MAP2K5: variants seen among roughly 807,000 people sequenced by gnomAD.
The protein encoded by MAP2K5 is dual specificity mitogen-activated protein kinase kinase 5.
MAP2K5 carries 49 observed loss-of-function variants against 83.1 expected under a neutral mutation model. That is an observed-to-expected ratio of 0.59 (90% CI 0.47 to 0.75). The LOEUF (loss-of-function observed/expected upper bound fraction) is 0.75. Among genes scored for constraint, MAP2K5 ranks in the 30% least tolerant of loss-of-function variants. The pLI, the probability that MAP2K5 is intolerant of heterozygous loss-of-function variation, is 0.00. For synonymous variants in MAP2K5, 202 were observed against 191.8 expected, an observed-to-expected ratio of 1.05 and a Z score of -0.44; for missense variants, 457 against 557.5, an observed-to-expected ratio of 0.82 and a Z score of 1.82.
At chr15:67,612,242 G>A (rs927706378) in intron 8 of MAP2K5, among the ~76,000 whole-genome samples, 2 of 151,958 alleles carry the variant, frequency 1.3e-5, no homozygotes, top group African/African-American at 4.8e-5. Context: ...CATATTTTAA[G>A]AGTATATGTG....
intron 12 of MAP2K5, among the ~76,000 whole-genome samples, chr15:67,663,762 C>A (rs2087299870): frequency 6.6e-6 from 1 of 152,076 alleles, no homozygotes; most frequent in South Asian, 2.1e-4. Context: ...GTAGTCCCAC[C>A]TACTCAGGAG....
intron 2 of MAP2K5, among the ~76,000 whole-genome samples, chr15:67,556,672 C>G (rs992167210): frequency 6.6e-6 from 1 of 151,690 alleles, no homozygotes; most frequent in Non-Finnish European, 1.5e-5. Context: ...CTGCCTCAGC[C>G]TCCCTAGTAG....
At chr15:67,643,333 T>G (rs1329123899) in intron 9 of MAP2K5, among the ~76,000 whole-genome samples, 1 of 152,224 alleles carries the variant, frequency 6.6e-6, no homozygotes, top group Non-Finnish European at 1.5e-5. Context: ...AAAATGTAAG[T>G]GAATATTGTT....
chr15:67,667,060 G>A (rs1223775603), intron 13 of MAP2K5, among the ~76,000 whole-genome samples: 3 of 152,146 alleles, frequency 2.0e-5, no homozygotes, highest in East Asian at 3.8e-4. Flanking sequence ...TTTTACTGAA[G>A]CGTCAAAGAA....
chr15:67,792,737 T>C (rs2090539749), intron 21 of MAP2K5, among the ~76,000 whole-genome samples: 1 of 152,226 alleles, frequency 6.6e-6, no homozygotes, highest in African/African-American at 2.4e-5. Context: ...GTGAGATATT[T>C]CTTTTCCGCC....
In MAP2K5 at chr15:67,646,313, A is replaced by G. The variant is rs754824624; in HGVS notation, c.654+14A>G. 5.5e-6 allele frequency: 8 copies of G among 1,441,834 alleles called. No individual in the cohort carries two copies. Among genetic ancestry groups the G allele is most frequent in the Non-Finnish European group, 7.7e-6 (8 of 1,035,782 alleles). The allele number at this position is 1,441,834 out of a possible 1,614,324, so 89.3% of individuals were successfully genotyped here. A position where few individuals can be genotyped will look rare whatever the true frequency, so the allele number is the denominator to read the frequency against. On this transcript the variant is annotated intron_variant, in intron 10 of 21. Coordinates refer to ENST00000178640, the MANE Select transcript of MAP2K5 (RefSeq NM_145160.3). ...ATTCTTTATAAGGTAATTTTTTCAT[A>G]ATTTTTATTTGTAAAGCATGCCTAT...
At chr15:67,664,001 A>G (rs1030035843) in intron 12 of MAP2K5, among the ~76,000 whole-genome samples, 3 of 152,176 alleles carry the variant, frequency 2.0e-5, no homozygotes, top group Non-Finnish European at 2.9e-5. Context: ...GCTTAGCATC[A>G]TTATGAATTC....
intron 8 of MAP2K5, among the ~76,000 whole-genome samples, chr15:67,607,323 T>C (rs964236567): frequency 7.9e-5 from 12 of 152,236 alleles, no homozygotes; most frequent in Non-Finnish European, 1.6e-4. Flanking sequence ...AAATTAATTA[T>C]GTATGTTTCC....
At chr15:67,788,105 C>G (rs944820185) in intron 21 of MAP2K5, among the ~76,000 whole-genome samples, 1 of 152,228 alleles carries the variant, frequency 6.6e-6, no homozygotes, top group Non-Finnish European at 1.5e-5. Flanking sequence ...AGGCAGCTTC[C>G]TCTTCATGGA....
At chr15:67,612,073 CTTTTTTT>C (rs57650533) in intron 8 of MAP2K5, among the ~76,000 whole-genome samples, 21 of 117,228 alleles carry the variant, frequency 1.8e-4, no homozygotes, top group East Asian at 2.5e-4. Flanking sequence ...CTTTGGTTTT[CTTTTTTT>C]TTTTTTTTTT....
intron 1 of MAP2K5, among the ~76,000 whole-genome samples, chr15:67,544,037 A>G (rs910596180): frequency 2.0e-5 from 3 of 152,208 alleles, no homozygotes; most frequent in Non-Finnish European, 4.4e-5. Flanking sequence ...CAGCCTCCCA[A>G]GTAGCTGGCA....
rs1162463914 is a variant in MAP2K5 at position 67,668,655 on chromosome 15, T to C, written c.847+4010T>C. On this transcript the variant is annotated intron_variant, in intron 13 of 21. Transcript: ENST00000178640. This position sits in a 1 kb window ranked among gnomAD's most constrained non-coding sequence, Gnocchi z 4.0. ...AACATAAATACAAGATTAACACCTA[T>C]GCCATTTCTTGGGAAGATGTGAGAA... Among the ~76,000 whole-genome samples, 1 of 152,160 alleles carries C rather than the reference T, an allele frequency of 6.6e-6. No homozygotes were observed. Among genetic ancestry groups the C allele is most frequent in the Admixed American group, 6.6e-5 (1 of 15,252 alleles).
chr15:67,691,585 T>C (rs1303310127), intron 13 of MAP2K5, among the ~76,000 whole-genome samples: 2 of 152,230 alleles, frequency 1.3e-5, no homozygotes, highest in Admixed American at 1.3e-4. Context: ...ATATAACCAG[T>C]TGTCTCTGCT....
Position 67,748,104 on chromosome 15 carries a change from G to T in MAP2K5, c.1075-127G>T. 1.6e-6 allele frequency: 1 copy of T among 642,912 alleles called. No individual in the cohort carries two copies. Among genetic ancestry groups the T allele is most frequent in the Non-Finnish European group, 2.8e-6 (1 of 352,204 alleles). 39.8% of individuals were successfully genotyped at this position (642,912 alleles called of 1,614,324 possible). On this transcript the variant is annotated intron_variant, in intron 17 of 21. Transcript: ENST00000178640. The surrounding 1 kb of genome is among the most constrained non-coding windows in gnomAD (Gnocchi z 4.0). The stretch of plus-strand genomic sequence containing the variant: ...ATTAACATTTGTGTATTTTCATTAT[G>T]TAAATTGTGTTAACACATGCCCACA...
At chr15:67,591,902 G>A (rs551011004) in intron 6 of MAP2K5, among the ~76,000 whole-genome samples, 56 of 151,726 alleles carry the variant, frequency 3.7e-4, no homozygotes, top group African/African-American at 1.2e-3. Context: ...ACCTGAGGTC[G>A]GGAGTTTGAG....
At chr15:67,651,562 C>T (rs12912176) in intron 11 of MAP2K5, among the ~76,000 whole-genome samples, 151,134 of 152,308 alleles carry the variant, frequency 0.99, 75,001 homozygotes, top group Non-Finnish European at 1. Flanking sequence ...GTAATCATCA[C>T]TCTACTATGT....
rs2084746732 is a variant in MAP2K5 at position 67,562,031 on chromosome 15, T to C, written c.185-1252T>C. Reference sequence around the variant, plus strand: ...TCCAGGCTTGGGATCAGAACAGTCTTTCTATATGATCAAATCAGCAATTAT... The same window carrying C: ...TCCAGGCTTGGGATCAGAACAGTCTCTCTATATGATCAAATCAGCAATTAT... On this transcript the variant is annotated intron_variant, in intron 2 of 21. Transcript: ENST00000178640. The surrounding 1 kb of genome is among the most constrained non-coding windows in gnomAD (Gnocchi z 4.1). 6.6e-6 allele frequency among the ~76,000 whole-genome samples: 1 copy of C among 152,178 alleles called. No homozygotes were observed. The highest frequency in any genetic ancestry group is 6.5e-5 in the Admixed American group (1 of 15,282).
At chr15:67,712,295 A>G (rs1596837795) in intron 16 of MAP2K5, among the ~76,000 whole-genome samples, 1 of 152,240 alleles carries the variant, frequency 6.6e-6, no homozygotes, top group Non-Finnish European at 1.5e-5. Flanking sequence ...AGTTCCCCCA[A>G]GGAAACAGCC....
chr15:67,731,399 G>A (rs1158950323), intron 17 of MAP2K5, among the ~76,000 whole-genome samples: 1 of 152,168 alleles, frequency 6.6e-6, no homozygotes, highest in Non-Finnish European at 1.5e-5. Context: ...TAGCCATTCT[G>A]TATGAGTTTC....
Sources: gnomAD v4.1 joint callset for allele counts (sites outside exome capture counted in the v4.1 genomes callset) on GRCh38, gnomAD v4.1.1 for gene constraint, Gnocchi (gnomAD v3.1) non-coding constraint, MANE v1.5 for transcripts, NCBI Gene and HGNC (gene_info 2026-07-23, HGNC 2026-07-21) for gene names.